The following TBC1D1 variants were observed in gnomAD, a reference collection of about 807,000 sequenced individuals.
TBC1D1 encodes TBC1 (tre-2/USP6, BUB2, cdc16) domain family, member 1.
TBC1D1 carries 89 observed loss-of-function variants against 125.6 expected under a neutral mutation model. The observed-to-expected ratio is 0.71, with a 90% confidence interval of 0.60 to 0.85. TBC1D1 has a LOEUF of 0.85. Ranked by LOEUF, TBC1D1 falls within the 40% of genes least tolerant of loss-of-function variation. The pLI, the probability that TBC1D1 is intolerant of heterozygous loss-of-function variation, is 0.00. For missense variants in TBC1D1, 1,377 were observed against 1,469.2 expected, an observed-to-expected ratio of 0.94 and a Z score of 1.03; for synonymous variants, 565 against 564.1, an observed-to-expected ratio of 1.00 and a Z score of -0.02.
intron 10 of TBC1D1, among the ~76,000 whole-genome samples, 188 bp downstream of exon 10, chr4:38,046,091 G>T (rs1248831641): frequency 6.6e-6 from 1 of 152,184 alleles, no homozygotes; most frequent in African/African-American, 2.4e-5. Context: ...GGGGCTGGGT[G>T]CAGTGGCTCA....
At chr4:37,956,967 G>A (rs1242621338) in intron 2 of TBC1D1, among the ~76,000 whole-genome samples, 1 of 151,422 alleles carries the variant, frequency 6.6e-6, no homozygotes, top group African/African-American at 2.4e-5. Context: ...AGAAGGGAGT[G>A]TAGAAATGAA....
Position 38,134,069 on chromosome 4 carries a change from T to G in TBC1D1, c.3306+812T>G, listed in dbSNP as rs147402203. On this transcript the variant is annotated intron_variant, in intron 19 of 19. Coordinates refer to ENST00000261439, the MANE Select transcript of TBC1D1 (RefSeq NM_015173.4). ...TGCTGTCCCTGTTAAGGAGTTGTTT[T>G]GAGGGTGTTTTTAAAAGTTGTTTTT... 1.9e-3 allele frequency among the ~76,000 whole-genome samples: 287 copies of G among 152,350 alleles called. 1 individual carries two copies. The highest frequency in any genetic ancestry group is 3.7e-3 in the Non-Finnish European group (255 of 68,038).
At chr4:37,955,948 G>A (rs1728849780) in intron 2 of TBC1D1, among the ~76,000 whole-genome samples, 1 of 151,984 alleles carries the variant, frequency 6.6e-6, no homozygotes, top group African/African-American at 2.4e-5. Flanking sequence ...ACCAGCCTGG[G>A]CAACATAGTG....
intron 2 of TBC1D1, among the ~76,000 whole-genome samples, chr4:37,978,138 G>A (rs1408648993): frequency 6.6e-6 from 1 of 152,170 alleles, no homozygotes. Flanking sequence ...AGATAACTGG[G>A]TGGTGCAAAT....
chr4:37,936,448 CTGTT>C (rs1041615590), intron 2 of TBC1D1, among the ~76,000 whole-genome samples: 1 of 152,208 alleles, frequency 6.6e-6, no homozygotes, highest in African/African-American at 2.4e-5. Context: ...GCACTGGAAT[CTGTT>C]TGAGGGCAGT....
At position 37,960,592 on chromosome 4, in the gene TBC1D1, C is replaced by T. The variant is rs746614023; in HGVS notation, c.418-53917C>T. ...CGTTTTGGCAAAACATACGATGCTC[C>T]ATCAGCCTTACCTAAAGCTACCAGA... On this transcript the variant is annotated intron_variant, in intron 2 of 19. Coordinates refer to ENST00000261439, the MANE Select transcript of TBC1D1 (RefSeq NM_015173.4). 8 of 1,614,032 alleles carry T rather than the reference C, an allele frequency of 5.0e-6. No homozygotes were observed. The highest frequency in any genetic ancestry group is 1.6e-4 in the Middle Eastern group (1 of 6,084).
At chr4:38,108,387 GAGCACCATTAGATCAGAAAGCAGAAGCA>G (rs528402334) in intron 15 of TBC1D1, among the ~76,000 whole-genome samples, 1 of 152,342 alleles carries the variant, frequency 6.6e-6, no homozygotes, top group Non-Finnish European at 1.5e-5. Context: ...AGAAACCCAG[GAGCACCATTAGATCAGAAAGCAGAAGCA>G]AGAATGCATC....
Position 38,135,886 on chromosome 4 carries a change from GTA to G in TBC1D1, c.3307-1243_3307-1242del, listed in dbSNP as rs202172552. Among the ~76,000 whole-genome samples, 304 of 149,762 alleles carry G rather than the reference GTA, an allele frequency of 2.0e-3. 1 individual carries two copies. Among genetic ancestry groups the G allele is most frequent in the African/African-American group, 7.3e-3 (290 of 39,864 alleles). ...TGTGTATATATATGTGTGTGTGTGT[GTA>G]TATATGTGTGTGTGTATATATACGT... is the stretch of plus-strand genomic sequence containing the variant. On this transcript the variant is annotated intron_variant, in intron 19 of 19. Transcript: ENST00000261439.
chr4:38,093,879 A>T (rs1758875024), intron 13 of TBC1D1, among the ~76,000 whole-genome samples: 1 of 152,184 alleles, frequency 6.6e-6, no homozygotes, highest in Non-Finnish European at 1.5e-5. Context: ...CTAATGTAAG[A>T]TCACAACATG....
intron 12 of TBC1D1, among the ~76,000 whole-genome samples, chr4:38,064,693 C>T (rs368076807): frequency 3.3e-5 from 5 of 149,556 alleles, no homozygotes; most frequent in East Asian, 4.0e-4. Flanking sequence ...GTGCGATCTC[C>T]GCTCACTGCC....
At position 38,115,208 on chromosome 4, in the gene TBC1D1, C is replaced by T. The variant is rs1393944914; in HGVS notation, c.2558-502C>T. Among the ~76,000 whole-genome samples, 3 of 149,666 alleles carry T rather than the reference C, an allele frequency of 2.0e-5. No individual in the cohort carries two copies. The Admixed American group carries it at 2.0e-4, about 10-fold the overall frequency. ...CTCTGCCTCCCAGGTTCAAGCAATTCTCCTGCCTCAGCCTCCCGAGTAGCT... is the reference window on the plus strand; with the variant it reads ...CTCTGCCTCCCAGGTTCAAGCAATTTTCCTGCCTCAGCCTCCCGAGTAGCT... On this transcript the variant is annotated intron_variant, in intron 15 of 19. Transcript: ENST00000261439.
chr4:38,052,623 C>G (rs1311071263), intron 11 of TBC1D1, among the ~76,000 whole-genome samples: 1 of 152,116 alleles, frequency 6.6e-6, no homozygotes, highest in Non-Finnish European at 1.5e-5. Context: ...GTGTGAGCCA[C>G]TGCACCCTGC....
intron 15 of TBC1D1, among the ~76,000 whole-genome samples, chr4:38,108,833 T>G (rs939923897): frequency 2.0e-5 from 3 of 152,208 alleles, no homozygotes. Context: ...TTGGATTTTT[T>G]AGAATCCATA....
Position 37,902,078 on chromosome 4 carries a change from T to C in TBC1D1, c.-18T>C. Reference sequence around the variant, plus strand: ...AACAGTGATAACTGTTTTGCTGAGTTCCCAGACCCTTCCCAAGATGGAACC... The same window carrying C: ...AACAGTGATAACTGTTTTGCTGAGTCCCCAGACCCTTCCCAAGATGGAACC... On this transcript the variant is annotated 5_prime_UTR_variant, in exon 2 of 20. Transcript: ENST00000261439. The C allele has an allele frequency of 6.3e-7, 1 of 1,579,454 alleles. No individual in the cohort carries two copies. Among genetic ancestry groups the C allele is most frequent in the Non-Finnish European group, 8.6e-7 (1 of 1,163,484 alleles).
chr4:37,967,786 T>C (rs1157734563), intron 2 of TBC1D1, among the ~76,000 whole-genome samples: 1 of 152,212 alleles, frequency 6.6e-6, no homozygotes, highest in Non-Finnish European at 1.5e-5. Context: ...ATGTTTCCAC[T>C]ATGAATTATA....
chr4:37,902,788 A>G (rs1230428964), intron 2 of TBC1D1, among the ~76,000 whole-genome samples: 1 of 152,248 alleles, frequency 6.6e-6, no homozygotes, highest in African/African-American at 2.4e-5. Flanking sequence ...TAAGATGTAC[A>G]TTATTTCAGA....
At chr4:37,907,027 T>C (rs1476102086) in intron 2 of TBC1D1, among the ~76,000 whole-genome samples, 2 of 152,260 alleles carry the variant, frequency 1.3e-5, no homozygotes, top group East Asian at 3.8e-4. Flanking sequence ...TAACATGTTT[T>C]TGTGAATAAC....
chr4:38,017,128 T>C (rs986521924), intron 3 of TBC1D1, among the ~76,000 whole-genome samples: 1 of 152,182 alleles, frequency 6.6e-6, no homozygotes, highest in African/African-American at 2.4e-5. Flanking sequence ...AACCCAGCCA[T>C]AGCTAAGTAA....
At chr4:38,022,289 A>G (rs1744210188) in intron 6 of TBC1D1, among the ~76,000 whole-genome samples, 1 of 152,260 alleles carries the variant, frequency 6.6e-6, no homozygotes, top group Non-Finnish European at 1.5e-5. Flanking sequence ...GCTAACGTGT[A>G]TTGAATAAGA....
Sources: allele counts gnomAD v4.1 joint callset (sites outside exome capture counted in the v4.1 genomes callset), GRCh38; gene constraint gnomAD v4.1.1; transcripts MANE v1.5; gene names NCBI Gene and HGNC (gene_info 2026-07-23, HGNC 2026-07-21).